The following TSHZ2 variants were observed in gnomAD, a reference collection of about 807,000 sequenced individuals.
TSHZ2 encodes teashirt homolog 2.
In TSHZ2, 21 loss-of-function variants were observed where a neutral mutation model predicts 74.4. The observed-to-expected ratio is 0.28, with a 90% CI of 0.20 to 0.41. The LOEUF is 0.41. TSHZ2 is among the 10% of genes least tolerant of loss of function. The pLI is 1.00. For missense variants in TSHZ2, 1,244 were observed against 1,293.5 expected (o/e 0.96, Z 0.59); for synonymous variants, 540 against 515.3 (o/e 1.05, Z -0.65).
intron 1 of TSHZ2, among the ~76,000 whole-genome samples, chr20:53,229,164 C>T (rs1338702151): frequency 1.3e-5 from 2 of 152,120 alleles, no homozygotes; most frequent in African/African-American, 4.8e-5. Flanking sequence ...TGGGAAGCAT[C>T]GATTGGCTAT....
intron 2 of TSHZ2, among the ~76,000 whole-genome samples, chr20:53,407,019 A>AT (rs1982877642): frequency 6.6e-6 from 1 of 152,192 alleles, no homozygotes; most frequent in Non-Finnish European, 1.5e-5. Context: ...CCAATGAGCA[A>AT]TGGGGATGTC....
At chr20:53,035,670 G>T (rs2123076537) in intron 1 of TSHZ2, among the ~76,000 whole-genome samples, 1 of 152,330 alleles carries the variant, frequency 6.6e-6, no homozygotes, top group Non-Finnish European at 1.5e-5. Flanking sequence ...TATGAGGAAA[G>T]GGAGGTAGAT....
At chr20:53,185,281 A>G in intron 1 of TSHZ2, 2 of 1,023,316 alleles carry the variant, frequency 2.0e-6, no homozygotes, top group South Asian at 8.2e-5. Flanking sequence ...TTCAAATTGG[A>G]CATTTATTTT....
chr20:53,103,602 T>A (rs1025151664), intron 1 of TSHZ2, among the ~76,000 whole-genome samples: 1 of 152,236 alleles, frequency 6.6e-6, no homozygotes, highest in Non-Finnish European at 1.5e-5. Context: ...ACATTTTTAA[T>A]AACAGAGAAA....
chr20:53,259,006 A>G (rs1227002224), intron 2 of TSHZ2, among the ~76,000 whole-genome samples: 3 of 152,188 alleles, frequency 2.0e-5, no homozygotes, highest in African/African-American at 7.2e-5. Flanking sequence ...CCATCTGTAC[A>G]AAGGTCGATT....
At chr20:53,365,899 T>G (rs2145612779) in intron 2 of TSHZ2, among the ~76,000 whole-genome samples, 1 of 152,310 alleles carries the variant, frequency 6.6e-6, no homozygotes, top group African/African-American at 2.4e-5. Flanking sequence ...AGAGAGCACT[T>G]CCTCCTGTTG....
rs1991107638 is a variant in TSHZ2 at position 53,283,628 on chromosome 20, T to A, written c.*8+27057T>A. ...GAAGAATAAACATATACTGAAAGCT[T>A]ACTTATGTGCCAAACACTGGGTTTA... On this transcript the variant is annotated intron_variant, in intron 2 of 2. Transcript: ENST00000371497. Among the ~76,000 whole-genome samples, 2 of 152,222 alleles carry A rather than the reference T, an allele frequency of 1.3e-5. 1 individual carries two copies. The highest frequency in any genetic ancestry group is 2.9e-5 in the Non-Finnish European group (2 of 68,036).
chr20:53,372,150 G>T (rs1014046694), intron 2 of TSHZ2, among the ~76,000 whole-genome samples: 1 of 152,010 alleles, frequency 6.6e-6, no homozygotes, highest in Non-Finnish European at 1.5e-5. Flanking sequence ...GGTTCCAAAC[G>T]GCCATCAATT....
chr20:53,458,446 C>G (rs1351140693), intron 2 of TSHZ2, among the ~76,000 whole-genome samples: 1 of 152,122 alleles, frequency 6.6e-6, no homozygotes, highest in African/African-American at 2.4e-5. Flanking sequence ...TGATTCTTCT[C>G]TCTTTTTTTC....
intron 2 of TSHZ2, among the ~76,000 whole-genome samples, chr20:53,298,908 C>A (rs1197814354): frequency 6.6e-6 from 1 of 152,132 alleles, no homozygotes; most frequent in East Asian, 1.9e-4. Flanking sequence ...GAGAAGTGCT[C>A]TGGTAAAATA....
intron 1 of TSHZ2, among the ~76,000 whole-genome samples, chr20:53,230,094 T>C (rs2123667791): frequency 6.6e-6 from 1 of 152,148 alleles, no homozygotes; most frequent in East Asian, 1.9e-4. Flanking sequence ...CTGTAGTCTT[T>C]CCTGTTCTGT....
intron 1 of TSHZ2, among the ~76,000 whole-genome samples, chr20:53,087,099 A>G (rs1224682591): frequency 1.3e-5 from 2 of 152,058 alleles, no homozygotes; most frequent in African/African-American, 4.8e-5. Flanking sequence ...GAAGGAGGAG[A>G]ATTCATAATA....
intron 2 of TSHZ2, among the ~76,000 whole-genome samples, chr20:53,418,515 C>T (rs1462119746): frequency 5.9e-5 from 9 of 152,128 alleles, no homozygotes; most frequent in Admixed American, 4.6e-4. Context: ...TCTCACATGG[C>T]GACAGACGAG....
At chr20:53,336,333 G>T (rs1790176780) in intron 2 of TSHZ2, among the ~76,000 whole-genome samples, 1 of 152,078 alleles carries the variant, frequency 6.6e-6, no homozygotes, top group African/African-American at 2.4e-5. Context: ...ATGCAAATCG[G>T]ACACTCCAAA....
chr20:53,410,587 C>CATTATTATTATTATTATTATT (rs71194476), intron 2 of TSHZ2, among the ~76,000 whole-genome samples: 14 of 141,844 alleles, frequency 9.9e-5, no homozygotes, highest in African/African-American at 3.1e-4. Context: ...ATTATCGTCA[C>CATTATTATTATTATTATTATT]ATTATTATTA....
At chr20:53,334,832 C>T (rs1979879993) in intron 2 of TSHZ2, among the ~76,000 whole-genome samples, 1 of 152,044 alleles carries the variant, frequency 6.6e-6, no homozygotes, top group Non-Finnish European at 1.5e-5. Context: ...TACAGGCATG[C>T]ACCACCACGC....
At chr20:53,036,685 GTGTA>G (rs1283257826) in intron 1 of TSHZ2, among the ~76,000 whole-genome samples, 1 of 92,178 alleles carries the variant, frequency 1.1e-5, no homozygotes, top group Non-Finnish European at 2.2e-5. Context: ...TACATAATAT[GTGTA>G]TGTATTACTA....
At chr20:53,134,989 CACAT>C (rs906343695) in intron 1 of TSHZ2, among the ~76,000 whole-genome samples, 2 of 117,814 alleles carry the variant, frequency 1.7e-5, no homozygotes, top group African/African-American at 7.8e-5. Flanking sequence ...CACACACACA[CACAT>C]ACATGCACAT....
At chr20:53,000,604 TAAAAC>T (rs900692884) in intron 1 of TSHZ2, among the ~76,000 whole-genome samples, 5 of 152,114 alleles carry the variant, frequency 3.3e-5, no homozygotes, top group African/African-American at 9.7e-5. Context: ...AGTATGGAGA[TAAAAC>T]AGAAATCATG....
Sources: gnomAD v4.1 joint callset for allele counts (sites outside exome capture counted in the v4.1 genomes callset) on GRCh38, gnomAD v4.1.1 for gene constraint, MANE v1.5 for transcripts, NCBI Gene and HGNC (gene_info 2026-07-23, HGNC 2026-07-21) for gene names.